TMIGD1: variants seen among roughly 807,000 people sequenced by gnomAD.
The protein encoded by TMIGD1 is transmembrane and immunoglobulin domain containing 1.
TMIGD1 carries 29 observed loss-of-function variants against 27.5 expected under a neutral mutation model. The ratio of observed to expected loss-of-function variants is 1.05; its 90% CI spans 0.78 to 1.44. The LOEUF (loss-of-function observed/expected upper bound fraction) is 1.44, where lower values mean the gene tolerates loss of function less well. Ranked by LOEUF, TMIGD1 falls within the 40% of genes most tolerant of loss-of-function variation. The pLI is 0.00. For missense variants in TMIGD1, 334 were observed against 310.6 expected (o/e 1.08, Z -0.57); for synonymous variants, 109 against 110.3 (o/e 0.99, Z 0.07).
At chr17:30,325,712 A>T (rs1330048179) in intron 3 of TMIGD1, among the ~76,000 whole-genome samples, 1 of 152,024 alleles carries the variant, frequency 6.6e-6, no homozygotes, top group African/African-American at 2.4e-5. Flanking sequence ...CTGTTTTTGC[A>T]TTTTATCGAA....
chr17:30,329,512 T>C lies in TMIGD1; in HGVS notation c.100A>G (p.Asn34Asp). 3.1e-6 allele frequency: 5 copies of C among 1,611,914 alleles called. No homozygotes were observed. The highest frequency in any genetic ancestry group is 1.7e-5 in the Admixed American group (1 of 59,978). ...AGGATATAGTTCTCAGTTTTACCAT[T>C]CACAGTTAAAACAGAACCTGGGAGT... is the stretch of plus-strand genomic sequence containing the variant. ...REMTSSVLTV[N>D]GKTENYILDT... is the part of the protein sequence containing the mutation. Residue 34 changes from asparagine to aspartate, a missense_variant, in exon 3 of 7, where the codon AAT (asparagine) becomes GAT (aspartate). Asn to Asp is a conservative substitution (Grantham distance 23). Coordinates refer to ENST00000328886, the MANE Select transcript of TMIGD1 (RefSeq NM_206832.3).
intron 2 of TMIGD1, among the ~76,000 whole-genome samples, chr17:30,330,644 G>A (rs915204208): frequency 6.6e-6 from 1 of 152,204 alleles, no homozygotes; most frequent in Non-Finnish European, 1.5e-5. Flanking sequence ...TTAAGTAGTT[G>A]AGGTTTGTGT....
rs1046275860 is a variant in TMIGD1 at position 30,323,126 on chromosome 17, C to T, written c.640+1690G>A. ...ATGAGGCTGCAGTGAACTATGATTA[C>T]GCTACTGCACTCCAGCCTGGGTGGC... is the stretch of plus-strand genomic sequence containing the variant. On this transcript the variant is annotated intron_variant, in intron 4 of 6. Transcript: ENST00000328886. 5.3e-5 allele frequency among the ~76,000 whole-genome samples: 8 copies of T among 152,160 alleles called. No homozygotes were observed. The South Asian group carries it at 1.0e-3, about 20-fold the overall frequency.
At chr17:30,326,005 T>TA (rs1430191770) in intron 3 of TMIGD1, among the ~76,000 whole-genome samples, 3 of 152,160 alleles carry the variant, frequency 2.0e-5, no homozygotes, top group Non-Finnish European at 4.4e-5. Flanking sequence ...AGGAAAAAGA[T>TA]AGAGACGGAG....
At chr17:30,325,740 T>C (rs1316698119) in intron 3 of TMIGD1, among the ~76,000 whole-genome samples, 2 of 152,176 alleles carry the variant, frequency 1.3e-5, no homozygotes, top group Non-Finnish European at 2.9e-5. Flanking sequence ...CTTGGTAACA[T>C]ATTCACCAAT....
intron 3 of TMIGD1, among the ~76,000 whole-genome samples, chr17:30,326,612 G>A (rs899010563): frequency 6.6e-6 from 1 of 152,024 alleles, no homozygotes; most frequent in Non-Finnish European, 1.5e-5. Flanking sequence ...TATAATGTAT[G>A]CCTTTAATCA....
At chr17:30,318,117 A>G (rs1480366984) in intron 5 of TMIGD1, among the ~76,000 whole-genome samples, 1 of 152,068 alleles carries the variant, frequency 6.6e-6, no homozygotes, top group Non-Finnish European at 1.5e-5. Flanking sequence ...GAAAGAAAAG[A>G]AACAACAACA....
Position 30,329,435 on chromosome 17 carries a change from G to A in TMIGD1, c.177C>T (p.His59=), listed in dbSNP as rs750782372. The A allele has an allele frequency of 6.2e-7, 1 of 1,614,148 alleles. No individual in the cohort carries two copies. The highest frequency in any genetic ancestry group is 1.3e-5 in the African/African-American group (1 of 75,022). The change falls in exon 3 of 7, where the codon CAC becomes CAT. Residue 59 remains histidine, a synonymous_variant. Transcript: ENST00000328886. ...ACCAGAGCAGTTCTTCCTCTCTGGT[G>A]TGGTTTTGAACAGCACATATCAGAG... ...QASLICAVQN[H]TREEELLWYR...
At chr17:30,325,848 A>G (rs1257962946) in intron 3 of TMIGD1, among the ~76,000 whole-genome samples, 2 of 152,142 alleles carry the variant, frequency 1.3e-5, no homozygotes. Flanking sequence ...AAGGCAAGTG[A>G]GTCCCTCTCA....
At chr17:30,322,044 T>C (rs1271603694) in intron 4 of TMIGD1, among the ~76,000 whole-genome samples, 1 of 151,840 alleles carries the variant, frequency 6.6e-6, no homozygotes, top group Non-Finnish European at 1.5e-5. Context: ...GCCCAGGCTG[T>C]TTTGGAACTC....
chr17:30,317,178 G>T lies in TMIGD1; in HGVS notation c.785+15C>A. ...GCTTATTTAAAAAGCACTGGTCCCG[G>T]CCTAGAGTACTTACAGAGCTGTTTC... is the stretch of plus-strand genomic sequence containing the variant. On this transcript the variant is annotated intron_variant, in intron 6 of 6. Coordinates refer to ENST00000328886, the MANE Select transcript of TMIGD1 (RefSeq NM_206832.3). 1 of 1,613,774 alleles carries T rather than the reference G, an allele frequency of 6.2e-7. No homozygotes were observed. Among genetic ancestry groups the T allele is most frequent in the Non-Finnish European group, 8.5e-7 (1 of 1,179,748 alleles).
At chr17:30,332,210 G>A (rs765873912) in intron 1 of TMIGD1, 52 bp from the exon 2 acceptor site, 21 of 1,070,760 alleles carry the variant, frequency 2.0e-5, no homozygotes, top group Middle Eastern at 2.0e-4. Context: ...CAATGAGTTC[G>A]TGAACCTTCC....
chr17:30,319,127 G>A (rs1381568334), intron 4 of TMIGD1, among the ~76,000 whole-genome samples: 1 of 150,752 alleles, frequency 6.6e-6, no homozygotes, highest in Non-Finnish European at 1.5e-5. Context: ...AATTAGGCCG[G>A]GTGCAGTGGC....
In TMIGD1 at chr17:30,317,215, C is replaced by G. The variant is rs200291873; in HGVS notation, c.763G>C (p.Asp255His). The G allele has an allele frequency of 5.6e-5, 90 of 1,614,046 alleles. No individual in the cohort carries two copies. The East Asian group carries it at 1.9e-3, about 35-fold the overall frequency. ...KIMKLCMKDK[D>H]PHSETAL ...TACAGAGCTGTTTCACTGTGAGGGT[C>G]TTTATCCTTCATGCAGAGCTAAAAG... Residue 255 changes from aspartate to histidine, a missense_variant, in exon 6 of 7, where the codon GAC (aspartate) becomes CAC (histidine). Physicochemically the swap from Asp to His is moderately conservative, Grantham distance 81. Transcript: ENST00000328886.
At chr17:30,328,270 A>C (rs1462844902) in intron 3 of TMIGD1, among the ~76,000 whole-genome samples, 1 of 152,036 alleles carries the variant, frequency 6.6e-6, no homozygotes, top group Non-Finnish European at 1.5e-5. Flanking sequence ...TCCTGATCTT[A>C]AGTGATCCAT....
chr17:30,319,248 A>AG (rs1394432925), intron 4 of TMIGD1, among the ~76,000 whole-genome samples: 1 of 95,104 alleles, frequency 1.1e-5, no homozygotes, highest in Non-Finnish European at 1.9e-5. Context: ...TAAAAAAAAA[A>AG]GAAAAAAAAA....
At chr17:30,332,974 T>C (rs944081748) in intron 1 of TMIGD1, among the ~76,000 whole-genome samples, 1 of 152,124 alleles carries the variant, frequency 6.6e-6, no homozygotes, top group Non-Finnish European at 1.5e-5. Context: ...GTCGTTTCTA[T>C]AGATTTAAAG....
Position 30,318,846 on chromosome 17 carries a change from G to A in TMIGD1, c.708C>T (p.Cys236=). ...AACVVIFLTL[C]FGLIARRKKI... The stretch of plus-strand genomic sequence containing the variant: ...TCTTTCTTCTAGCAATCAGTCCAAA[G>A]CACAATGTCAGAAAGATCACAACAC... Residue 236 remains cysteine (C), a synonymous_variant, in exon 5 of 7, where the codon TGC becomes TGT. Coordinates refer to ENST00000328886, the MANE Select transcript of TMIGD1 (RefSeq NM_206832.3). The A allele has an allele frequency of 1.2e-6, 2 of 1,613,820 alleles. No individual in the cohort carries two copies. Among genetic ancestry groups the A allele is most frequent in the Non-Finnish European group, 1.7e-6 (2 of 1,179,846 alleles).
chr17:30,333,336 G>T (rs1385984978), intron 1 of TMIGD1, among the ~76,000 whole-genome samples: 1 of 152,004 alleles, frequency 6.6e-6, no homozygotes, highest in Non-Finnish European at 1.5e-5. Context: ...AGCTACTCGG[G>T]AGGCTGAGGC....
Sources: allele counts gnomAD v4.1 joint callset (sites outside exome capture counted in the v4.1 genomes callset), GRCh38; gene constraint gnomAD v4.1.1; transcripts MANE v1.5; gene names NCBI Gene and HGNC (gene_info 2026-07-23, HGNC 2026-07-21).